PTPRQ: variants seen among roughly 807,000 people sequenced by gnomAD.
PTPRQ encodes protein tyrosine phosphatase receptor type Q.
In PTPRQ, 199 loss-of-function variants were observed where a neutral mutation model predicts 246.0. That is an observed-to-expected ratio of 0.81 (90% CI 0.72 to 0.91). PTPRQ has a LOEUF of 0.91. Ranked by LOEUF, PTPRQ falls within the 40% of genes least tolerant of loss-of-function variation. PTPRQ has a pLI of 0.00. For missense variants in PTPRQ, 2,624 were observed against 2,528.4 expected (o/e 1.04, Z -0.81); for synonymous variants, 869 against 853.2 (o/e 1.02, Z -0.32).
At chr12:80,626,719 T>A (rs1343067141) in intron 33 of PTPRQ, among the ~76,000 whole-genome samples, 1 of 152,138 alleles carries the variant, frequency 6.6e-6, no homozygotes, top group Non-Finnish European at 1.5e-5. Flanking sequence ...TGCAAATCAC[T>A]AAGTCCCCAA....
intron 6 of PTPRQ, among the ~76,000 whole-genome samples, chr12:80,463,157 C>T (rs562271175): frequency 1.2e-4 from 18 of 152,198 alleles, no homozygotes; most frequent in South Asian, 4.2e-4. Context: ...ATAACCAATA[C>T]AGAGAAGTGC....
intron 25 of PTPRQ, among the ~76,000 whole-genome samples, chr12:80,555,546 A>C (rs1720109923): frequency 6.6e-6 from 1 of 152,172 alleles, no homozygotes; most frequent in South Asian, 2.1e-4. Context: ...CATCTCCTGA[A>C]TTAAGATTTG....
At chr12:80,596,053 T>C (rs1897961241) in intron 26 of PTPRQ, among the ~76,000 whole-genome samples, 1 of 151,998 alleles carries the variant, frequency 6.6e-6, no homozygotes, top group African/African-American at 2.4e-5. Flanking sequence ...ATCTAAATGA[T>C]TAACTGAGAT....
In PTPRQ at chr12:80,517,752, G is replaced by A. The variant is rs566767053; in HGVS notation, c.2678+7309G>A. Reference sequence around the variant, plus strand: ...AGCATCCACAAATAAATGAGAACATGTGAAGTTTGTCATTTGTGCCTGACT... The same window carrying A: ...AGCATCCACAAATAAATGAGAACATATGAAGTTTGTCATTTGTGCCTGACT... On this transcript the variant is annotated intron_variant, in intron 17 of 44. Coordinates refer to ENST00000644991, the MANE Select transcript of PTPRQ (RefSeq NM_001145026.2). 1.3e-3 allele frequency among the ~76,000 whole-genome samples: 194 copies of A among 151,852 alleles called. 3 individuals carry two copies. Among genetic ancestry groups the A allele is most frequent in the African/African-American group, 4.3e-3 (180 of 41,424 alleles).
At chr12:80,452,229 C>T (rs1226235592) in intron 3 of PTPRQ, among the ~76,000 whole-genome samples, 1 of 148,090 alleles carries the variant, frequency 6.8e-6, no homozygotes, top group Non-Finnish European at 1.5e-5. Flanking sequence ...AGATCTTCCT[C>T]CATCCTTTTA....
chr12:80,524,782 A>G (rs1895631753), intron 17 of PTPRQ, among the ~76,000 whole-genome samples: 1 of 152,122 alleles, frequency 6.6e-6, no homozygotes, highest in Non-Finnish European at 1.5e-5. Context: ...GTTCTTGATG[A>G]GATTAAGGAC....
chr12:80,525,404 C>T (rs760970260), intron 17 of PTPRQ, among the ~76,000 whole-genome samples: 2 of 152,134 alleles, frequency 1.3e-5, no homozygotes, highest in Non-Finnish European at 2.9e-5. Context: ...ATGTGGTCAA[C>T]AATGAGATGG....
At chr12:80,642,933 A>AAAAAAAAAAC (rs1899931934) in intron 35 of PTPRQ, among the ~76,000 whole-genome samples, 1 of 144,322 alleles carries the variant, frequency 6.9e-6, no homozygotes, top group African/African-American at 2.7e-5. Flanking sequence ...AAAAAAAAAA[A>AAAAAAAAAAC]AAAAAAAAAA....
intron 39 of PTPRQ, among the ~76,000 whole-genome samples, chr12:80,659,333 G>C (rs754597055): frequency 6.6e-5 from 10 of 151,880 alleles, no homozygotes; most frequent in Non-Finnish European, 1.3e-4. Flanking sequence ...AAACTCTACA[G>C]CATGTTAAAG....
In PTPRQ at chr12:80,616,241, G is replaced by A. The variant is rs375152302; in HGVS notation, c.5205G>A (p.Pro1735=). 10 of 1,494,716 alleles carry A rather than the reference G, an allele frequency of 6.7e-6. No individual in the cohort carries two copies. The highest frequency in any genetic ancestry group is 5.7e-5 in the African/African-American group (4 of 69,612). 92.6% of individuals were successfully genotyped at this position (1,494,716 alleles called of 1,614,324 possible). The part of the protein sequence containing the change: ...VNSAGAGPKV[P]MRITMDIKAP... The stretch of plus-strand genomic sequence containing the variant: ...GTGCTGGTGCAGGTCCAAAGGTTCC[G>A]ATGAGAATAACCATGGATATCAAAG... Residue 1735 remains proline (P), a synonymous_variant, in exon 30 of 45, where the codon CCG becomes CCA. Coordinates refer to ENST00000644991, the MANE Select transcript of PTPRQ (RefSeq NM_001145026.2).
chr12:80,472,045 T>G (rs887658009), intron 7 of PTPRQ, 60 bp from the exon 8 acceptor site: 1 of 1,540,630 alleles, frequency 6.5e-7, no homozygotes, highest in Admixed American at 2.0e-5. Flanking sequence ...TGTACTTAAA[T>G]GTGAACATGA....
At position 80,450,206 on chromosome 12, in the gene PTPRQ, G is replaced by A. The variant is rs199513857; in HGVS notation, c.390+4489G>A. On this transcript the variant is annotated intron_variant, in intron 3 of 44. Transcript: ENST00000644991. ...CTGTTATTGGTGTATAAGAATGCCTGTGATTTTTGTACATTGATTTTGTAT... is the reference window on the plus strand; with the variant it reads ...CTGTTATTGGTGTATAAGAATGCCTATGATTTTTGTACATTGATTTTGTAT... Among the ~76,000 whole-genome samples, 7 of 152,204 alleles carry A rather than the reference G, an allele frequency of 4.6e-5. No homozygotes were observed. In the South Asian group the frequency reaches 1.0e-3, roughly 23 times the overall value.
chr12:80,477,933 G>A (rs1414558653), intron 8 of PTPRQ, among the ~76,000 whole-genome samples: 1 of 152,344 alleles, frequency 6.6e-6, no homozygotes, highest in Non-Finnish European at 1.5e-5. Context: ...CAAACTGCAA[G>A]GCGGCAGCGA....
intron 35 of PTPRQ, among the ~76,000 whole-genome samples, chr12:80,642,946 A>AAAAAAG (rs1491416505): frequency 6.7e-6 from 1 of 148,992 alleles, no homozygotes; most frequent in African/African-American, 2.5e-5. Context: ...AAAAAAAAAA[A>AAAAAAG]CAATTGAGTA....
chr12:80,540,094 A>G, intron 20 of PTPRQ, 150 bp downstream of exon 20: 2 of 634,568 alleles, frequency 3.2e-6, no homozygotes, highest in Non-Finnish European at 4.8e-6. Flanking sequence ...TATACTTACA[A>G]AACTATTGCA....
chr12:80,525,751 T>C (rs950149429), intron 17 of PTPRQ, among the ~76,000 whole-genome samples: 3 of 152,004 alleles, frequency 2.0e-5, no homozygotes, highest in Admixed American at 1.3e-4. Flanking sequence ...AGTCAATTTA[T>C]TACTGAATTG....
chr12:80,491,420 A>G (rs1452610621), intron 9 of PTPRQ, among the ~76,000 whole-genome samples: 1 of 151,922 alleles, frequency 6.6e-6, no homozygotes, highest in Non-Finnish European at 1.5e-5. Flanking sequence ...TTCCCTGTGG[A>G]GGCAGTGCTG....
At chr12:80,633,898 T>A (rs959897736) in intron 34 of PTPRQ, among the ~76,000 whole-genome samples, 2 of 152,194 alleles carry the variant, frequency 1.3e-5, no homozygotes, top group Non-Finnish European at 2.9e-5. Flanking sequence ...GAAATGGTCC[T>A]CCTTATTCCC....
intron 3 of PTPRQ, among the ~76,000 whole-genome samples, chr12:80,453,053 C>T (rs200790409): frequency 6.6e-6 from 1 of 152,180 alleles, no homozygotes; most frequent in South Asian, 2.1e-4. Context: ...TTCTTGGAGG[C>T]TTTGTTCATT....
Sources: allele counts gnomAD v4.1 joint callset (sites outside exome capture counted in the v4.1 genomes callset), GRCh38; gene constraint gnomAD v4.1.1; transcripts MANE v1.5; gene names NCBI Gene and HGNC (gene_info 2026-07-23, HGNC 2026-07-21).